The following GTF2F2 variants were observed in gnomAD, a reference collection of about 807,000 sequenced individuals.
GTF2F2 encodes the protein general transcription factor IIF subunit 2, also known as ATP-dependent helicase GTF2F2.
Under a neutral mutation model 42.2 loss-of-function variants are expected in GTF2F2, and 23 were observed. The ratio of observed to expected loss-of-function variants is 0.55; its 90% CI spans 0.39 to 0.77. The LOEUF is 0.77. Among genes scored for constraint, GTF2F2 ranks in the 30% least tolerant of loss-of-function variants. The pLI is 0.00. For synonymous variants in GTF2F2, 105 were observed against 100.8 expected (o/e 1.04, Z -0.25); for missense variants, 261 against 287.2 (o/e 0.91, Z 0.66).
At chr13:45,192,208 A>G (rs541135869) in intron 4 of GTF2F2, among the ~76,000 whole-genome samples, 1 of 152,300 alleles carries the variant, frequency 6.6e-6, no homozygotes. Context: ...GTTTTAGTAG[A>G]AATCTGTTTT....
chr13:45,150,549 A>G (rs1262397728), intron 3 of GTF2F2, among the ~76,000 whole-genome samples: 1 of 151,624 alleles, frequency 6.6e-6, no homozygotes, highest in African/African-American at 2.4e-5. Flanking sequence ...ATTCAGCAAT[A>G]TTATTTTCCT....
chr13:45,237,720 A>C (rs1333136516), intron 5 of GTF2F2, among the ~76,000 whole-genome samples: 1 of 152,192 alleles, frequency 6.6e-6, no homozygotes, highest in Admixed American at 6.5e-5. Context: ...TTTTACTCTA[A>C]GTATTATTTA....
intron 5 of GTF2F2, among the ~76,000 whole-genome samples, chr13:45,233,628 T>TG (rs1425183877): frequency 4.6e-5 from 7 of 152,084 alleles, no homozygotes; most frequent in African/African-American, 1.7e-4. Context: ...ATAAAACAAT[T>TG]GCTAGCTGGA....
At chr13:45,126,742 G>A (rs533301138) in intron 1 of GTF2F2, among the ~76,000 whole-genome samples, 2 of 152,296 alleles carry the variant, frequency 1.3e-5, no homozygotes, top group South Asian at 2.1e-4. Context: ...TGGTCTTAAC[G>A]AAAACAATTA....
chr13:45,283,417 G>A (rs1877343988), intron 7 of GTF2F2, 25 bp from the exon 8 acceptor site: 1 of 1,594,400 alleles, frequency 6.3e-7, no homozygotes, highest in African/African-American at 1.4e-5. Flanking sequence ...AATCTCATTT[G>A]TTAGGGGTTT....
At chr13:45,167,220 T>A (rs2138139329) in intron 4 of GTF2F2, among the ~76,000 whole-genome samples, 1 of 147,768 alleles carries the variant, frequency 6.8e-6, no homozygotes, top group Admixed American at 6.7e-5. Context: ...ATACTATACA[T>A]ACTATTTTAC....
At chr13:45,165,253 G>GA (rs1017270060) in intron 4 of GTF2F2, among the ~76,000 whole-genome samples, 2 of 145,414 alleles carry the variant, frequency 1.4e-5, no homozygotes, top group Non-Finnish European at 3.0e-5. Context: ...AAATAGAATG[G>GA]AAAAAATGTA....
intron 5 of GTF2F2, among the ~76,000 whole-genome samples, chr13:45,227,114 T>C (rs1052541873): frequency 2.5e-4 from 38 of 152,084 alleles, no homozygotes; most frequent in African/African-American, 8.7e-4. Flanking sequence ...ATAAAAAATA[T>C]TATATAGCTG....
intron 3 of GTF2F2, among the ~76,000 whole-genome samples, chr13:45,150,200 A>G (rs1175083838): frequency 2.6e-5 from 4 of 152,216 alleles, no homozygotes; most frequent in South Asian, 2.1e-4. Flanking sequence ...ATCTTCCTAC[A>G]TGCTTGGGAG....
chr13:45,171,377 T>A, intron 4 of GTF2F2, among the ~76,000 whole-genome samples: 1 of 152,250 alleles, frequency 6.6e-6, no homozygotes, highest in South Asian at 2.1e-4. Context: ...CCTAAAACCA[T>A]ATCTTGACTT....
chr13:45,178,677 T>C (rs1403867874), intron 4 of GTF2F2, among the ~76,000 whole-genome samples: 3 of 152,212 alleles, frequency 2.0e-5, no homozygotes, highest in African/African-American at 4.8e-5. Context: ...ATGAAAGTTA[T>C]GTACCTACTC....
chr13:45,127,557 G>GTTGCCCAGGGTA (rs1192166537), intron 1 of GTF2F2, among the ~76,000 whole-genome samples: 1 of 147,680 alleles, frequency 6.8e-6, no homozygotes, highest in Non-Finnish European at 1.5e-5. Flanking sequence ...TCAAATTCCT[G>GTTGCCCAGGGTA]GACTCAAGCA....
intron 6 of GTF2F2, among the ~76,000 whole-genome samples, chr13:45,266,930 C>T (rs1403896581): frequency 6.6e-6 from 1 of 152,056 alleles, no homozygotes; most frequent in Non-Finnish European, 1.5e-5. Context: ...GGTGGATCAC[C>T]TGAGGTCAGG....
intron 5 of GTF2F2, among the ~76,000 whole-genome samples, chr13:45,210,470 C>T (rs1339270806): frequency 6.6e-6 from 1 of 152,212 alleles, no homozygotes; most frequent in Non-Finnish European, 1.5e-5. Context: ...ACTACCCTAC[C>T]TCTTTCTGTA....
intron 5 of GTF2F2, among the ~76,000 whole-genome samples, chr13:45,248,157 A>G (rs1344601542): frequency 6.6e-6 from 1 of 152,108 alleles, no homozygotes; most frequent in African/African-American, 2.4e-5. Context: ...TTTTTTAAAT[A>G]AATGGAGTTT....
chr13:45,233,646 G>T (rs1404878424), intron 5 of GTF2F2, among the ~76,000 whole-genome samples: 1 of 152,176 alleles, frequency 6.6e-6, no homozygotes, highest in African/African-American at 2.4e-5. Flanking sequence ...GGATATGGTG[G>T]CCCACACCTA....
chr13:45,224,226 G>A (rs547012004), intron 5 of GTF2F2, among the ~76,000 whole-genome samples: 2 of 152,290 alleles, frequency 1.3e-5, no homozygotes, highest in East Asian at 3.9e-4. Context: ...TAGTTCTTCA[G>A]TCCCCTCTTA....
At chr13:45,177,082 G>A (rs114437686) in intron 4 of GTF2F2, among the ~76,000 whole-genome samples, 1,813 of 152,158 alleles carry the variant, frequency 0.012, 31 homozygotes, top group African/African-American at 0.037. Context: ...GAGCCACTGC[G>A]CCCAGCCTGG....
At chr13:45,182,134 TAC>T (rs1872193254) in intron 4 of GTF2F2, among the ~76,000 whole-genome samples, 1 of 152,112 alleles carries the variant, frequency 6.6e-6, no homozygotes, top group African/African-American at 2.4e-5. Context: ...TTTTTTAGAC[TAC>T]ATTTCACTTT....
Sources: gnomAD v4.1 joint callset for allele counts (sites outside exome capture counted in the v4.1 genomes callset) on GRCh38, gnomAD v4.1.1 for gene constraint, MANE v1.5 for transcripts, NCBI Gene and HGNC (gene_info 2026-07-23, HGNC 2026-07-21) for gene names.